Variants in RABGAP1L observed in about 807,000 individuals in gnomAD.
RABGAP1L encodes the protein RAB GTPase activating protein 1 like.
Under a neutral mutation model 137.7 loss-of-function variants are expected in RABGAP1L, and 63 were observed. The ratio of observed to expected loss-of-function variants is 0.46; its 90% confidence interval spans 0.37 to 0.56. RABGAP1L has a LOEUF of 0.56. Ranked by LOEUF, RABGAP1L falls within the 20% of genes least tolerant of loss-of-function variation. The pLI is 0.00. For synonymous variants in RABGAP1L, 431 were observed against 433.7 expected (o/e 0.99, Z 0.08); for missense variants, 1,095 against 1,244.0 (o/e 0.88, Z 1.80).
chr1:174,178,087 C>T (rs879870758), intron 1 of RABGAP1L, among the ~76,000 whole-genome samples: 14 of 152,188 alleles, frequency 9.2e-5, no homozygotes, highest in Non-Finnish European at 1.2e-4. Context: ...GCCATTTTCA[C>T]GACATTGATT....
chr1:174,622,372 A>G (rs1282153802), intron 13 of RABGAP1L, among the ~76,000 whole-genome samples: 2 of 152,230 alleles, frequency 1.3e-5, no homozygotes, highest in Non-Finnish European at 2.9e-5. Flanking sequence ...CCAAAGGACT[A>G]TAAATCATGA....
At chr1:174,706,173 G>A (rs938964391) in intron 17 of RABGAP1L, among the ~76,000 whole-genome samples, 1 of 152,066 alleles carries the variant, frequency 6.6e-6, no homozygotes, top group Non-Finnish European at 1.5e-5. Context: ...CTGAGGTTAA[G>A]CCAATAAAGT....
chr1:174,661,313 CT>C (rs1676353610), intron 14 of RABGAP1L, among the ~76,000 whole-genome samples: 1 of 152,036 alleles, frequency 6.6e-6, no homozygotes, highest in Admixed American at 6.6e-5. Flanking sequence ...TAGTAAAGAA[CT>C]TTTAGAAAAT....
Position 174,637,374 on chromosome 1 carries a change from G to A in RABGAP1L, c.1711-1G>A. On this transcript the variant is annotated splice_acceptor_variant, in intron 13 of 25. Transcript: ENST00000681986. LOFTEE classifies it high-confidence loss of function. ...CCAGGTCTATTTTCTTTCTTTTTTA[G>A]GACTCAGCCCAGGAGAGTGTTATTA... 1.3e-6 allele frequency: 2 copies of A among 1,594,768 alleles called. No individual in the cohort carries two copies. The highest frequency in any genetic ancestry group is 1.3e-5 in the African/African-American group (1 of 74,326).
chr1:174,808,100 C>A (rs999136238), intron 18 of RABGAP1L, among the ~76,000 whole-genome samples: 1 of 151,676 alleles, frequency 6.6e-6, no homozygotes, highest in Non-Finnish European at 1.5e-5. Context: ...TCTCCTGCCT[C>A]AGCCTCCCCA....
chr1:174,571,715 C>T (rs1354185809), intron 13 of RABGAP1L, among the ~76,000 whole-genome samples: 2 of 152,130 alleles, frequency 1.3e-5, no homozygotes, highest in African/African-American at 4.8e-5. Context: ...ACAAGAGCTT[C>T]TTATACAGTC....
chr1:174,305,305 A>G (rs1464580545), intron 11 of RABGAP1L, among the ~76,000 whole-genome samples, 178 bp downstream of exon 11: 1 of 152,218 alleles, frequency 6.6e-6, no homozygotes, highest in Admixed American at 6.5e-5. Flanking sequence ...TAAGTTGCAT[A>G]GTCTCCAGTG....
At chr1:174,175,582 C>G (rs1258311820) in intron 1 of RABGAP1L, among the ~76,000 whole-genome samples, 1 of 150,134 alleles carries the variant, frequency 6.7e-6, no homozygotes. Context: ...ACCTCAACCT[C>G]CTGAATAGGG....
At chr1:174,337,601 A>G (rs1681599498) in intron 11 of RABGAP1L, among the ~76,000 whole-genome samples, 1 of 152,164 alleles carries the variant, frequency 6.6e-6, no homozygotes, top group Non-Finnish European at 1.5e-5. Flanking sequence ...TAAGCTTTGT[A>G]AAATGTTAAC....
At chr1:174,487,732 G>A (rs906066791) in intron 13 of RABGAP1L, among the ~76,000 whole-genome samples, 2 of 151,984 alleles carry the variant, frequency 1.3e-5, no homozygotes, top group Admixed American at 6.6e-5. Context: ...TGGTTAAGGT[G>A]ATTTTCTCTG....
At chr1:174,925,446 C>T (rs904755384) in intron 19 of RABGAP1L, among the ~76,000 whole-genome samples, 41 of 150,334 alleles carry the variant, frequency 2.7e-4, no homozygotes, top group Non-Finnish European at 4.9e-4. Context: ...TCTGGTGTAC[C>T]GGAGGAACCA....
At chr1:174,186,862 A>T (rs563322885) in intron 1 of RABGAP1L, among the ~76,000 whole-genome samples, 1 of 152,180 alleles carries the variant, frequency 6.6e-6, no homozygotes, top group Non-Finnish European at 1.5e-5. Flanking sequence ...CTGGCATTCT[A>T]TATCTTGGTC....
At chr1:174,655,648 A>G (rs1675912265) in intron 14 of RABGAP1L, among the ~76,000 whole-genome samples, 1 of 152,188 alleles carries the variant, frequency 6.6e-6, no homozygotes, top group Non-Finnish European at 1.5e-5. Flanking sequence ...GATACTTCAT[A>G]ACTATTTAAT....
In RABGAP1L at chr1:174,992,982, T is replaced by C. The variant is rs948142978; in HGVS notation, c.*2981T>C. On this transcript the variant is annotated 3_prime_UTR_variant, in exon 26 of 26. Coordinates refer to ENST00000681986, the MANE Select transcript of RABGAP1L (RefSeq NM_001366446.1). Reference sequence around the variant, plus strand: ...AATATTTGCAGTATCTAAGAATTGATCATTTCTATTTTCATTAAATTCTGT... The same window carrying C: ...AATATTTGCAGTATCTAAGAATTGACCATTTCTATTTTCATTAAATTCTGT... 2 of 152,242 alleles carry C rather than the reference T, an allele frequency of 1.3e-5. No individual in the cohort carries two copies. The highest frequency in any genetic ancestry group is 1.3e-4 in the Admixed American group (2 of 15,286). 9.4% of individuals were successfully genotyped at this position (152,242 alleles called of 1,614,324 possible). A position where few individuals can be genotyped will look rare whatever the true frequency, so the allele number is the denominator to read the frequency against.
chr1:174,416,601 A>G lies in RABGAP1L; in HGVS notation c.1710+22456A>G, dbSNP rs191847130. 1.9e-3 allele frequency among the ~76,000 whole-genome samples: 284 copies of G among 152,280 alleles called. 2 individuals are homozygous for G. The highest frequency in any genetic ancestry group is 1.2e-3 in the South Asian group (6 of 4,830). ...CTGGAACAAGCCATGCTGCTTACATATAATCCTAGTAGACAGCATTTGAGT... is the reference window on the plus strand; with the variant it reads ...CTGGAACAAGCCATGCTGCTTACATGTAATCCTAGTAGACAGCATTTGAGT... On this transcript the variant is annotated intron_variant, in intron 13 of 25. Coordinates refer to ENST00000681986, the MANE Select transcript of RABGAP1L (RefSeq NM_001366446.1).
chr1:174,278,912 C>A, intron 10 of RABGAP1L, 133 bp downstream of exon 10: 1 of 822,370 alleles, frequency 1.2e-6, no homozygotes. Context: ...TATTTGAAGT[C>A]AACCAATAGA....
intron 13 of RABGAP1L, among the ~76,000 whole-genome samples, chr1:174,616,793 A>G (rs1671921472): frequency 6.6e-6 from 1 of 152,216 alleles, no homozygotes; most frequent in Non-Finnish European, 1.5e-5. Context: ...TAGACCAGTA[A>G]TTCTCAAGTA....
chr1:174,967,777 G>T (rs945610276), intron 20 of RABGAP1L, among the ~76,000 whole-genome samples: 17 of 152,136 alleles, frequency 1.1e-4, no homozygotes, highest in Admixed American at 3.9e-4. Context: ...ATGAGCCACT[G>T]CACCCAGCCT....
chr1:174,919,632 T>C (rs1388202396), intron 19 of RABGAP1L, among the ~76,000 whole-genome samples: 1 of 152,176 alleles, frequency 6.6e-6, no homozygotes, highest in African/African-American at 2.4e-5. Context: ...GGTGGGAGGA[T>C]TGCTTGAATC....
Sources: allele counts gnomAD v4.1 joint callset (sites outside exome capture counted in the v4.1 genomes callset), GRCh38; gene constraint gnomAD v4.1.1; transcripts MANE v1.5; gene names NCBI Gene and HGNC (gene_info 2026-07-23, HGNC 2026-07-21).